RTN1: variants seen among roughly 807,000 people sequenced by gnomAD.
The protein encoded by RTN1 is reticulon-1.
In RTN1, 25 loss-of-function variants were observed where a neutral mutation model predicts 65.5. The ratio of observed to expected loss-of-function variants is 0.38; its 90% confidence interval spans 0.28 to 0.53. The LOEUF is 0.53. Among genes scored for constraint, RTN1 ranks in the 20% least tolerant of loss-of-function variants. RTN1 has a pLI of 0.79. For synonymous variants in RTN1, 471 were observed against 447.6 expected (o/e 1.05, Z -0.66); for missense variants, 983 against 1,025.4 (o/e 0.96, Z 0.57).
chr14:59,714,797 G>A, intron 3 of RTN1, among the ~76,000 whole-genome samples: 1 of 152,182 alleles, frequency 6.6e-6, no homozygotes. Flanking sequence ...CAAACCCCTG[G>A]CCGCAGACTG....
chr14:59,615,633 G>A (rs1318448040), intron 3 of RTN1, among the ~76,000 whole-genome samples: 1 of 152,164 alleles, frequency 6.6e-6, no homozygotes, highest in Non-Finnish European at 1.5e-5. Flanking sequence ...AATTAAAACT[G>A]AATAAAGATA....
In RTN1 at chr14:59,596,679, G is replaced by A; in HGVS notation, c.*66C>T. 2 of 1,193,450 alleles carry A rather than the reference G, an allele frequency of 1.7e-6. No individual in the cohort carries two copies. Among genetic ancestry groups the A allele is most frequent in the South Asian group, 2.4e-5 (2 of 82,540 alleles). The allele number at this position is 1,193,450 out of a possible 1,614,324, so 73.9% of individuals were successfully genotyped here. ...AAAGACAATCAATTTGCAGTAATGA[G>A]TAAGAAGAGAGCTGTTACCACTCCA... is the stretch of plus-strand genomic sequence containing the variant. On this transcript the variant is annotated 3_prime_UTR_variant, in exon 9 of 9. Transcript: ENST00000267484.
At chr14:59,647,563 C>T (rs1290974771) in intron 3 of RTN1, among the ~76,000 whole-genome samples, 1 of 152,114 alleles carries the variant, frequency 6.6e-6, no homozygotes, top group Non-Finnish European at 1.5e-5. Flanking sequence ...TAACAATTTT[C>T]AGCAAATGTA....
At chr14:59,690,835 TG>T (rs1237036412) in intron 3 of RTN1, among the ~76,000 whole-genome samples, 1 of 152,070 alleles carries the variant, frequency 6.6e-6, no homozygotes, top group Non-Finnish European at 1.5e-5. Flanking sequence ...TTACTCCGAA[TG>T]ACTTTTGGGT....
chr14:59,599,670 A>G (rs1053605566), intron 8 of RTN1, among the ~76,000 whole-genome samples: 1 of 152,238 alleles, frequency 6.6e-6, no homozygotes. Context: ...TGGCTAGGGA[A>G]GTCCATCTCA....
chr14:59,858,231 G>C (rs753571507), intron 1 of RTN1, among the ~76,000 whole-genome samples: 2 of 152,104 alleles, frequency 1.3e-5, no homozygotes, highest in African/African-American at 2.4e-5. Context: ...CAATAAATCA[G>C]TGCTTCTTAC....
intron 1 of RTN1, among the ~76,000 whole-genome samples, chr14:59,786,122 C>T (rs1200960350): frequency 1.3e-5 from 2 of 152,158 alleles, no homozygotes; most frequent in African/African-American, 4.8e-5. Context: ...CAGTGAGGAC[C>T]ACAGGCAGCA....
chr14:59,669,630 G>C (rs575480395), intron 3 of RTN1, among the ~76,000 whole-genome samples: 1 of 152,020 alleles, frequency 6.6e-6, no homozygotes, highest in South Asian at 2.1e-4. Flanking sequence ...ATAAAAAAAA[G>C]AACTGTTGCA....
intron 3 of RTN1, among the ~76,000 whole-genome samples, chr14:59,700,938 A>T (rs555233167): frequency 3.5e-4 from 54 of 152,302 alleles, no homozygotes; most frequent in African/African-American, 1.3e-3. Flanking sequence ...CAATCCACAG[A>T]ACAAGATAAA....
Position 59,596,583 on chromosome 14 carries a change from G to A in RTN1, c.*162C>T. ...CACAAGTGACTCAAATATCCTAAGA[G>A]TACAAGGAACAGCCTAAAAACAGCT... is the stretch of plus-strand genomic sequence containing the variant. On this transcript the variant is annotated 3_prime_UTR_variant, in exon 9 of 9. Coordinates refer to ENST00000267484, the MANE Select transcript of RTN1 (RefSeq NM_021136.3). 1 of 631,708 alleles carries A rather than the reference G, an allele frequency of 1.6e-6. No individual in the cohort carries two copies. The allele number at this position is 631,708 out of a possible 1,614,324, so 39.1% of individuals were successfully genotyped here.
At chr14:59,786,513 T>C (rs953972699) in intron 1 of RTN1, among the ~76,000 whole-genome samples, 6 of 152,192 alleles carry the variant, frequency 3.9e-5, no homozygotes, top group Admixed American at 3.3e-4. Flanking sequence ...TACATATTAG[T>C]ATTATTATTG....
At chr14:59,749,350 A>ATATATATCTATATATATATC (rs1885337949) in intron 1 of RTN1, among the ~76,000 whole-genome samples, 1 of 67,430 alleles carries the variant, frequency 1.5e-5, no homozygotes, top group Non-Finnish European at 2.3e-5. Context: ...ATATATATCT[A>ATATATATCTATATATATATC]TATATATCTA....
At chr14:59,673,345 T>A (rs1883552178) in intron 3 of RTN1, among the ~76,000 whole-genome samples, 1 of 150,228 alleles carries the variant, frequency 6.7e-6, no homozygotes, top group African/African-American at 2.4e-5. Flanking sequence ...GTGGCTTTGC[T>A]TTTTTGTGTC....
chr14:59,605,486 A>C lies in RTN1; in HGVS notation c.1994T>G (p.Ile665Ser). 3 of 1,614,080 alleles carry C rather than the reference A, an allele frequency of 1.9e-6. No homozygotes were observed. The highest frequency in any genetic ancestry group is 1.7e-6 in the Non-Finnish European group (2 of 1,179,994). ...HPFKAYLELE[I>S]TLSQEQIQKY... ...CTGAATCTGCTCCTGAGAAAGGGTG[A>C]TCTCAAGCTCCAAGTAGGCCCTGTC... Residue 665 changes from isoleucine (I) to serine (S), a missense_variant, in exon 5 of 9, where the codon ATC becomes AGC. Coordinates refer to ENST00000267484, the MANE Select transcript of RTN1 (RefSeq NM_021136.3).
At chr14:59,640,608 C>A (rs1882757357) in intron 3 of RTN1, among the ~76,000 whole-genome samples, 1 of 152,188 alleles carries the variant, frequency 6.6e-6, no homozygotes, top group Non-Finnish European at 1.5e-5. Context: ...AGCCACCGTG[C>A]CTGGCCTGAC....
intron 3 of RTN1, among the ~76,000 whole-genome samples, chr14:59,701,462 T>C (rs1311969772): frequency 1.3e-5 from 2 of 152,178 alleles, no homozygotes; most frequent in Admixed American, 6.5e-5. Flanking sequence ...ATGTGGTATA[T>C]CCATACAATG....
intron 3 of RTN1, among the ~76,000 whole-genome samples, chr14:59,668,106 T>TC (rs546147534): frequency 5.3e-4 from 81 of 152,246 alleles, no homozygotes; most frequent in African/African-American, 2.0e-3. Flanking sequence ...AAAACTACTT[T>TC]AAAGTTCATA....
chr14:59,738,625 A>G (rs1307955574), intron 2 of RTN1, among the ~76,000 whole-genome samples: 1 of 152,216 alleles, frequency 6.6e-6, no homozygotes, highest in East Asian at 1.9e-4. Flanking sequence ...CAGAAATACA[A>G]TTTGACCCAG....
At chr14:59,648,024 TAA>T (rs1882937937) in intron 3 of RTN1, among the ~76,000 whole-genome samples, 2 of 151,914 alleles carry the variant, frequency 1.3e-5, no homozygotes, top group Non-Finnish European at 2.9e-5. Flanking sequence ...AAAACATTAA[TAA>T]GGTAGTCCAC....
Sources: allele counts gnomAD v4.1 joint callset (sites outside exome capture counted in the v4.1 genomes callset), GRCh38; gene constraint gnomAD v4.1.1; transcripts MANE v1.5; gene names NCBI Gene and HGNC (gene_info 2026-07-23, HGNC 2026-07-21).